BTBD1: variants seen among roughly 807,000 people sequenced by gnomAD.
BTBD1 encodes the protein BTB domain containing 1, also known as BTB/POZ domain-containing protein 1.
BTBD1 carries 34 observed loss-of-function variants against 48.0 expected under a neutral mutation model. That is an observed-to-expected ratio of 0.71 (90% CI 0.54 to 0.94). BTBD1 has a LOEUF of 0.94. Ranked by LOEUF, BTBD1 falls within the 40% of genes least tolerant of loss-of-function variation. BTBD1 has a pLI of 0.00. For synonymous variants in BTBD1, 261 were observed against 242.1 expected, an observed-to-expected ratio of 1.08 and a Z score of -0.72; for missense variants, 543 against 625.6, an observed-to-expected ratio of 0.87 and a Z score of 1.41.
intron 1 of BTBD1, among the ~76,000 whole-genome samples, chr15:83,064,233 C>T (rs2151316193): frequency 6.6e-6 from 1 of 152,234 alleles, no homozygotes; most frequent in East Asian, 1.9e-4. Context: ...CACGTATTAG[C>T]TAACAACAAC....
chr15:83,036,027 A>G (rs2032620027), intron 4 of BTBD1, among the ~76,000 whole-genome samples: 1 of 151,660 alleles, frequency 6.6e-6, no homozygotes, highest in African/African-American at 2.4e-5. Flanking sequence ...AAGGAATCCA[A>G]AATAGGTTTA....
At chr15:83,029,206 TTC>T (rs1208699914) in intron 5 of BTBD1, among the ~76,000 whole-genome samples, 2 of 152,226 alleles carry the variant, frequency 1.3e-5, no homozygotes, top group African/African-American at 4.8e-5. Flanking sequence ...AACCAGATTT[TTC>T]TGTTTTAACA....
intron 3 of BTBD1, among the ~76,000 whole-genome samples, chr15:83,045,977 G>A (rs2032870024): frequency 6.6e-6 from 1 of 152,120 alleles, no homozygotes. Flanking sequence ...GTAAGAAACA[G>A]TATCTCTTCC....
chr15:83,061,075 T>C (rs1040251301), intron 1 of BTBD1, among the ~76,000 whole-genome samples: 6 of 152,218 alleles, frequency 3.9e-5, no homozygotes, highest in Non-Finnish European at 8.8e-5. Flanking sequence ...TTCGGCAATT[T>C]CATCATCATG....
chr15:83,065,077 G>A (rs1055752239), intron 1 of BTBD1, among the ~76,000 whole-genome samples: 1 of 152,156 alleles, frequency 6.6e-6, no homozygotes, highest in Non-Finnish European at 1.5e-5. Context: ...CATATTTAGT[G>A]ACTGCATTAT....
rs143619792 is a variant in BTBD1 at position 83,043,671 on chromosome 15, T to C, written c.665-1746A>G. On this transcript the variant is annotated intron_variant, in intron 3 of 7. Coordinates refer to ENST00000261721, the MANE Select transcript of BTBD1 (RefSeq NM_025238.4). ...AGACTCAATTAGATTTCCTAACAGA[T>C]TGGATGTGAGGTGTGATTTAAAGAG... Among the ~76,000 whole-genome samples the C allele has an allele frequency of 3.3e-5, 5 of 152,154 alleles. No homozygotes were observed. The East Asian group carries it at 9.7e-4, about 29-fold the overall frequency.
chr15:83,057,848 T>C (rs2033113981), intron 1 of BTBD1, among the ~76,000 whole-genome samples: 1 of 152,224 alleles, frequency 6.6e-6, no homozygotes, highest in Admixed American at 6.5e-5. Context: ...TTCAAGATAA[T>C]ACTATCTCCA....
At chr15:83,044,254 T>G (rs1596438545) in intron 3 of BTBD1, 1 of 631,720 alleles carries the variant, frequency 1.6e-6, no homozygotes. Flanking sequence ...TATAGGCAGG[T>G]AAAATAAAAC....
intron 2 of BTBD1, among the ~76,000 whole-genome samples, chr15:83,051,803 T>C (rs889145234): frequency 6.6e-6 from 1 of 151,554 alleles, no homozygotes; most frequent in Admixed American, 6.6e-5. Context: ...TGAAAACCCA[T>C]ATACCCTTTA....
At position 83,067,137 on chromosome 15, in the gene BTBD1, C is replaced by A; in HGVS notation, c.15G>T (p.Gly5=). 1 of 1,437,516 alleles carries A rather than the reference C, an allele frequency of 7.0e-7. No individual in the cohort carries two copies. The highest frequency in any genetic ancestry group is 9.1e-7 in the Non-Finnish European group (1 of 1,102,904). The allele number at this position is 1,437,516 out of a possible 1,614,324, so 89.0% of individuals were successfully genotyped here. The change falls in exon 1 of 8, where the codon GGG becomes GGT. Residue 5 remains glycine, a synonymous_variant. Transcript: ENST00000261721. The stretch of plus-strand genomic sequence containing the variant: ...ACGCCTGCTCCCCAGCTGCGGCAGG[C>A]CCGAGTGAGGCCATCCTCCAGCTGC... MASL[G]PAAAGEQASG...
chr15:83,027,545 C>A (rs1416396868), intron 5 of BTBD1, among the ~76,000 whole-genome samples: 1 of 152,218 alleles, frequency 6.6e-6, no homozygotes, highest in Non-Finnish European at 1.5e-5. Context: ...TGCCCCTCCC[C>A]TTCTCCACCT....
chr15:83,030,470 A>G (rs2032495136), intron 4 of BTBD1, 142 bp from the exon 5 acceptor site: 2 of 664,508 alleles, frequency 3.0e-6, no homozygotes, highest in African/African-American at 3.6e-5. Flanking sequence ...ATTTTTGCAT[A>G]TATTTTAAGG....
chr15:83,042,948 T>G (rs895301518), intron 3 of BTBD1, among the ~76,000 whole-genome samples: 1 of 152,084 alleles, frequency 6.6e-6, no homozygotes, highest in Non-Finnish European at 1.5e-5. Context: ...CAGGCCAGCC[T>G]GGGCAATATA....
chr15:83,044,545 T>G (rs1168962229), intron 3 of BTBD1: 1 of 1,596,576 alleles, frequency 6.3e-7, no homozygotes, highest in East Asian at 2.2e-5. Flanking sequence ...GAGAGCACTT[T>G]GAAAACACAG....
chr15:83,034,190 T>C (rs904344815), intron 4 of BTBD1, among the ~76,000 whole-genome samples: 1 of 151,944 alleles, frequency 6.6e-6, no homozygotes, highest in African/African-American at 2.4e-5. Context: ...AGGCAAAGTC[T>C]GTCAGACTGA....
chr15:83,056,211 A>G (rs1425567433), intron 2 of BTBD1, among the ~76,000 whole-genome samples, 178 bp downstream of exon 2: 1 of 152,138 alleles, frequency 6.6e-6, no homozygotes, highest in African/African-American at 2.4e-5. Context: ...GGCCTCTAAT[A>G]CACTTTTCAA....
At chr15:83,062,287 AG>A (rs527316597) in intron 1 of BTBD1, among the ~76,000 whole-genome samples, 86 of 152,344 alleles carry the variant, frequency 5.6e-4, no homozygotes, top group African/African-American at 2.0e-3. Flanking sequence ...GTCTAAACGC[AG>A]TAGTTTGGTT....
chr15:83,033,545 TTA>T (rs1309002012), intron 4 of BTBD1, among the ~76,000 whole-genome samples: 1 of 152,242 alleles, frequency 6.6e-6, no homozygotes, highest in Non-Finnish European at 1.5e-5. Context: ...AATAATGCCT[TTA>T]TATTGTGTAG....
intron 1 of BTBD1, among the ~76,000 whole-genome samples, chr15:83,063,369 T>C (rs2033206113): frequency 1.3e-5 from 2 of 152,210 alleles, no homozygotes; most frequent in African/African-American, 4.8e-5. Context: ...TTCTGTCTAC[T>C]CTATGACACT....
Sources: gnomAD v4.1 joint callset for allele counts (sites outside exome capture counted in the v4.1 genomes callset) on GRCh38, gnomAD v4.1.1 for gene constraint, MANE v1.5 for transcripts, NCBI Gene and HGNC (gene_info 2026-07-23, HGNC 2026-07-21) for gene names.